Variants in MYO16 observed in about 807,000 individuals in gnomAD.
MYO16 encodes the protein unconventional myosin-XVI.
Under a neutral mutation model 205.3 loss-of-function variants are expected in MYO16, and 94 were observed. The ratio of observed to expected loss-of-function variants is 0.46; its 90% CI spans 0.39 to 0.54. The LOEUF (loss-of-function observed/expected upper bound fraction) is 0.54. MYO16 is among the 20% of genes least tolerant of loss of function. The pLI is 0.00. For missense variants in MYO16, 2,315 were observed against 2,387.5 expected, an observed-to-expected ratio of 0.97 and a Z score of 0.63; for synonymous variants, 988 against 954.0, an observed-to-expected ratio of 1.04 and a Z score of -0.66.
chr13:108,631,616 G>A (rs187206986), intron 1 of MYO16, among the ~76,000 whole-genome samples: 42 of 152,290 alleles, frequency 2.8e-4, no homozygotes, highest in Non-Finnish European at 2.9e-4. Flanking sequence ...GAGTGTGACA[G>A]TCTATAAAAT....
chr13:108,957,190 C>T (rs1283214914), intron 16 of MYO16, among the ~76,000 whole-genome samples: 1 of 151,878 alleles, frequency 6.6e-6, no homozygotes, highest in Non-Finnish European at 1.5e-5. Context: ...TTGAGACCAG[C>T]CTGAACAACA....
chr13:109,110,318 A>G (rs1889246510), intron 28 of MYO16, among the ~76,000 whole-genome samples: 1 of 152,358 alleles, frequency 6.6e-6, no homozygotes, highest in South Asian at 2.1e-4. Flanking sequence ...CCATATCAAT[A>G]TGATTTCCAT....
chr13:108,564,713 A>T, the MYO16 span, among the ~76,000 whole-genome samples: 51 of 152,302 alleles, frequency 3.3e-4, 1 homozygote, highest in Middle Eastern at 3.4e-3. Flanking sequence ...ATATTACTCA[A>T]GAAATTTTTG....
chr13:108,631,097 G>T (rs147138502), intron 1 of MYO16, among the ~76,000 whole-genome samples: 1 of 152,142 alleles, frequency 6.6e-6, no homozygotes, highest in South Asian at 2.1e-4. Flanking sequence ...AACTCTTGGG[G>T]TTATTTTCTT....
chr13:108,917,229 C>A (rs1449054983), intron 16 of MYO16, among the ~76,000 whole-genome samples: 2 of 152,222 alleles, frequency 1.3e-5, no homozygotes, highest in African/African-American at 4.8e-5. Context: ...AAAAGGCCAT[C>A]TTGGTGGCTC....
intron 1 of MYO16, among the ~76,000 whole-genome samples, chr13:108,600,692 A>G (rs1432140794): frequency 6.6e-6 from 1 of 152,186 alleles, no homozygotes; most frequent in Non-Finnish European, 1.5e-5. Context: ...AGGACTTTGA[A>G]GTGAAAATAC....
intron 21 of MYO16, among the ~76,000 whole-genome samples, chr13:108,995,363 C>G (rs1214687716): frequency 6.6e-6 from 1 of 152,178 alleles, no homozygotes; most frequent in Admixed American, 6.5e-5. Context: ...CTTCTAATCC[C>G]ATCACTTTGG....
chr13:108,737,161 C>A (rs1468717960), intron 4 of MYO16, among the ~76,000 whole-genome samples: 1 of 152,188 alleles, frequency 6.6e-6, no homozygotes, highest in African/African-American at 2.4e-5. Flanking sequence ...CTGGACAGAA[C>A]TTCCAACACT....
chr13:108,623,632 A>G (rs2139339304), intron 1 of MYO16, among the ~76,000 whole-genome samples: 1 of 152,308 alleles, frequency 6.6e-6, no homozygotes, highest in South Asian at 2.1e-4. Flanking sequence ...TAAGTGTTCA[A>G]TAATCCTGCC....
intron 4 of MYO16, among the ~76,000 whole-genome samples, chr13:108,761,697 A>G (rs1279122835): frequency 6.6e-6 from 1 of 152,192 alleles, no homozygotes; most frequent in Admixed American, 6.5e-5. Context: ...ACAGGTAGTA[A>G]AATCTGAGGG....
At chr13:108,925,008 G>GGAGTT (rs1881925844) in intron 16 of MYO16, among the ~76,000 whole-genome samples, 1 of 152,124 alleles carries the variant, frequency 6.6e-6, no homozygotes, top group Non-Finnish European at 1.5e-5. Flanking sequence ...ATAGAAGGTG[G>GGAGTT]GAGTTCATGG....
intron 32 of MYO16, chr13:109,164,213 T>C (rs757057265): frequency 6.6e-6 from 1 of 152,240 alleles, no homozygotes; most frequent in Non-Finnish European, 1.5e-5. Flanking sequence ...GCAGTGACCA[T>C]GGGGAAACCT....
intron 33 of MYO16, among the ~76,000 whole-genome samples, chr13:109,175,224 T>C (rs1345436631): frequency 6.6e-6 from 1 of 152,208 alleles, no homozygotes; most frequent in Non-Finnish European, 1.5e-5. Context: ...CATTCCTCTT[T>C]GTGTCCTGCA....
At chr13:108,972,249 C>CTCTCTCTATATA (rs1178345437) in intron 20 of MYO16, among the ~76,000 whole-genome samples, 5 of 2,848 alleles carry the variant, frequency 1.8e-3, no homozygotes, top group Non-Finnish European at 1.8e-3. Flanking sequence ...CTCTCTCTCT[C>CTCTCTCTATATA]TATATATATA....
intron 3 of MYO16, among the ~76,000 whole-genome samples, chr13:108,721,983 G>T (rs555684059): frequency 6.6e-6 from 1 of 152,144 alleles, no homozygotes. Flanking sequence ...GTCACACGGG[G>T]CCTTCTTTTT....
chr13:108,817,019 C>T (rs1213914500), intron 7 of MYO16, among the ~76,000 whole-genome samples: 1 of 152,054 alleles, frequency 6.6e-6, no homozygotes, highest in East Asian at 1.9e-4. Flanking sequence ...TGAGATAGTA[C>T]TTCAGTGGCT....
the MYO16 span, among the ~76,000 whole-genome samples, chr13:108,555,299 T>G: frequency 6.6e-6 from 1 of 152,172 alleles, no homozygotes; most frequent in Admixed American, 6.5e-5. Context: ...TTTTAAAACA[T>G]TTTTTAAAAT....
chr13:108,517,228 C>T, the MYO16 span, among the ~76,000 whole-genome samples: 5 of 152,256 alleles, frequency 3.3e-5, no homozygotes, highest in Non-Finnish European at 7.4e-5. Flanking sequence ...CTGCGCCTGG[C>T]TGCGTGTTGT....
intron 1 of MYO16, among the ~76,000 whole-genome samples, chr13:108,618,863 T>C (rs1031762108): frequency 6.6e-6 from 1 of 152,222 alleles, no homozygotes; most frequent in African/African-American, 2.4e-5. Flanking sequence ...GTAAAACACA[T>C]ATATACTACA....
Sources: gnomAD v4.1 joint callset for allele counts (sites outside exome capture counted in the v4.1 genomes callset) on GRCh38, gnomAD v4.1.1 for gene constraint, MANE v1.5 for transcripts, NCBI Gene and HGNC (gene_info 2026-07-23, HGNC 2026-07-21) for gene names.